SLC35F4: variants seen among roughly 807,000 people sequenced by gnomAD.
SLC35F4 encodes chromosome 14 open reading frame 36.
In SLC35F4, 24 loss-of-function variants were observed where a neutral mutation model predicts 44.2. That is an observed-to-expected ratio of 0.54 (90% CI 0.39 to 0.76). The LOEUF (loss-of-function observed/expected upper bound fraction) is 0.76. SLC35F4 is among the 30% of genes least tolerant of loss of function. The probability of loss-of-function intolerance (pLI) is 0.00; values close to 1 mark genes in which losing one functional copy is unlikely to be tolerated. For missense variants in SLC35F4, 562 were observed against 586.1 expected, an observed-to-expected ratio of 0.96 and a Z score of 0.42; for synonymous variants, 238 against 223.6, an observed-to-expected ratio of 1.06 and a Z score of -0.57.
intron 1 of SLC35F4, among the ~76,000 whole-genome samples, chr14:57,631,581 T>C (rs567948382): frequency 6.6e-6 from 1 of 152,198 alleles, no homozygotes; most frequent in African/African-American, 2.4e-5. Context: ...GAGGTTTGCT[T>C]TTCAGGCCTC....
intron 1 of SLC35F4, among the ~76,000 whole-genome samples, chr14:57,622,939 C>G (rs910400602): frequency 2.6e-5 from 4 of 152,028 alleles, no homozygotes; most frequent in African/African-American, 9.7e-5. Context: ...CATCATATGA[C>G]AGGATCGACT....
chr14:57,955,970 C>A (rs1182653486), intron 1 of SLC35F4, among the ~76,000 whole-genome samples: 2 of 152,080 alleles, frequency 1.3e-5, no homozygotes, highest in Non-Finnish European at 2.9e-5. Context: ...CAAAAAAGAG[C>A]CTGTATAGCC....
At chr14:57,699,932 G>C (rs2140361611) in intron 1 of SLC35F4, among the ~76,000 whole-genome samples, 1 of 152,268 alleles carries the variant, frequency 6.6e-6, no homozygotes, top group Middle Eastern at 3.4e-3. Context: ...AATTGCACAG[G>C]ATAACTGATT....
chr14:57,792,987 A>G (rs2077964600), intron 1 of SLC35F4, among the ~76,000 whole-genome samples: 1 of 152,152 alleles, frequency 6.6e-6, no homozygotes, highest in Non-Finnish European at 1.5e-5. Flanking sequence ...CATTAAAAAA[A>G]CTTTTTAAAT....
intron 1 of SLC35F4, among the ~76,000 whole-genome samples, chr14:57,671,046 A>G (rs111337466): frequency 0.026 from 3,873 of 151,620 alleles, 181 homozygotes; most frequent in African/African-American, 0.088. Flanking sequence ...CTGGGACTAT[A>G]GACACACACC....
intron 1 of SLC35F4, among the ~76,000 whole-genome samples, chr14:57,784,447 GC>G (rs1202824270): frequency 6.6e-6 from 1 of 152,176 alleles, no homozygotes; most frequent in Non-Finnish European, 1.5e-5. Flanking sequence ...ACTTTGGGAG[GC>G]CAAGGCAGGA....
chr14:57,627,369 T>TGCAA (rs1566702129), intron 1 of SLC35F4, among the ~76,000 whole-genome samples: 1 of 152,168 alleles, frequency 6.6e-6, no homozygotes, highest in African/African-American at 2.4e-5. Context: ...CAGTCCCTGT[T>TGCAA]GCAAGCATTA....
intron 5 of SLC35F4, 62 bp from the exon 6 acceptor site, chr14:57,570,042 T>C: frequency 1.4e-6 from 2 of 1,465,224 alleles, no homozygotes; most frequent in Non-Finnish European, 1.8e-6. Context: ...AACGTAAGTC[T>C]TACTGTTCCA....
chr14:57,979,267 G>C (rs969736156), intron 1 of SLC35F4, among the ~76,000 whole-genome samples: 1 of 152,192 alleles, frequency 6.6e-6, no homozygotes, highest in Non-Finnish European at 1.5e-5. Context: ...TAAACCTGAA[G>C]TTTGCAGATA....
intron 3 of SLC35F4, 140 bp downstream of exon 3, chr14:57,589,076 C>G (rs1279156267): frequency 4.7e-6 from 4 of 847,594 alleles, no homozygotes; most frequent in Non-Finnish European, 7.3e-6. Context: ...GATTCTGCTT[C>G]TAGTGCTCGT....
At chr14:57,846,488 G>C (rs1356763218) in intron 1 of SLC35F4, among the ~76,000 whole-genome samples, 1 of 152,158 alleles carries the variant, frequency 6.6e-6, no homozygotes, top group Non-Finnish European at 1.5e-5. Context: ...TCTAGCCCAA[G>C]TCACAGGACA....
chr14:57,822,800 T>A (rs775094356), intron 1 of SLC35F4, among the ~76,000 whole-genome samples: 1 of 152,132 alleles, frequency 6.6e-6, no homozygotes, highest in African/African-American at 2.4e-5. Context: ...TTGAGGTCAA[T>A]TTTTTTCTCC....
chr14:57,762,595 G>C (rs1469092856), intron 1 of SLC35F4, among the ~76,000 whole-genome samples: 1 of 152,064 alleles, frequency 6.6e-6, no homozygotes, highest in Non-Finnish European at 1.5e-5. Flanking sequence ...ATTTAGAAGT[G>C]GGAACTTTAA....
At chr14:57,860,443 A>C (rs774650102) in intron 1 of SLC35F4, among the ~76,000 whole-genome samples, 10 of 152,292 alleles carry the variant, frequency 6.6e-5, no homozygotes, top group South Asian at 2.1e-4. Context: ...AAAGCTGTCA[A>C]AGCTGACCTA....
chr14:57,901,433 C>T (rs915054466), intron 1 of SLC35F4, among the ~76,000 whole-genome samples: 6 of 152,134 alleles, frequency 3.9e-5, no homozygotes, highest in Non-Finnish European at 8.8e-5. Flanking sequence ...GAAAACCAAA[C>T]ACCACATGTT....
chr14:57,593,780 A>G lies in SLC35F4; in HGVS notation c.289+159T>C, dbSNP rs184656737. On this transcript the variant is annotated intron_variant, in intron 2 of 7. Transcript: ENST00000556826. ...TACACCACTAATAGATTGTATCTAT[A>G]TATTTCCCTGCTTCCTTATCCTCCG... Among the ~76,000 whole-genome samples the G allele has an allele frequency of 2.6e-5, 4 of 152,316 alleles. No homozygotes were observed. The East Asian group carries it at 5.8e-4, about 22-fold the overall frequency.
At chr14:57,736,257 C>G (rs555702033) in intron 1 of SLC35F4, among the ~76,000 whole-genome samples, 1 of 152,282 alleles carries the variant, frequency 6.6e-6, no homozygotes, top group South Asian at 2.1e-4. Context: ...CAGCATGTCT[C>G]TCAGTGTTCT....
intron 1 of SLC35F4, among the ~76,000 whole-genome samples, chr14:57,737,122 G>A (rs1406993429): frequency 6.6e-6 from 1 of 151,158 alleles, no homozygotes; most frequent in Non-Finnish European, 1.5e-5. Flanking sequence ...GTGTGTGTGT[G>A]TGCATGTGTG....
intron 4 of SLC35F4, among the ~76,000 whole-genome samples, chr14:57,574,004 T>G (rs1255371077): frequency 6.6e-6 from 1 of 152,192 alleles, no homozygotes; most frequent in Admixed American, 6.6e-5. Flanking sequence ...ACATAATACA[T>G]GGGTTTAGGC....
Sources: gnomAD v4.1 joint callset for allele counts (sites outside exome capture counted in the v4.1 genomes callset) on GRCh38, gnomAD v4.1.1 for gene constraint, MANE v1.5 for transcripts, NCBI Gene and HGNC (gene_info 2026-07-23, HGNC 2026-07-21) for gene names.